The following MYO1D variants were observed in gnomAD, a reference collection of about 807,000 sequenced individuals.
MYO1D encodes unconventional myosin-Id.
A neutral mutation model predicts 122.0 loss-of-function variants in MYO1D; 83 were observed. The observed-to-expected ratio is 0.68, with a 90% confidence interval of 0.57 to 0.82. The LOEUF is 0.82. Ranked by LOEUF, MYO1D falls within the 40% of genes least tolerant of loss-of-function variation. The pLI, the probability that MYO1D is intolerant of heterozygous loss-of-function variation, is 0.00. For missense variants in MYO1D, 1,157 were observed against 1,269.5 expected (o/e 0.91, Z 1.35); for synonymous variants, 464 against 446.9 (o/e 1.04, Z -0.48).
chr17:32,594,429 C>T, intron 21 of MYO1D: 3 of 445,130 alleles, frequency 6.7e-6, no homozygotes, highest in Non-Finnish European at 1.2e-5. Context: ...TCTTTCCTTA[C>T]TTCATTCAAA....
chr17:32,614,035 G>GA (rs2087739564), intron 20 of MYO1D, among the ~76,000 whole-genome samples: 1 of 138,164 alleles, frequency 7.2e-6, no homozygotes, highest in Admixed American at 7.2e-5. Flanking sequence ...ATACTCAAAT[G>GA]TATTTATTGC....
chr17:32,679,827 T>C (rs2088881885), intron 16 of MYO1D, among the ~76,000 whole-genome samples: 1 of 151,080 alleles, frequency 6.6e-6, no homozygotes. Flanking sequence ...GGGGATGGCA[T>C]TGAATCTGTA....
At chr17:32,547,783 C>A (rs1397052604) in intron 21 of MYO1D, among the ~76,000 whole-genome samples, 3 of 151,768 alleles carry the variant, frequency 2.0e-5, no homozygotes, top group African/African-American at 7.3e-5. Flanking sequence ...CCTGAATCTA[C>A]TAAAAAACCT....
chr17:32,741,908 A>G (rs888077069), intron 13 of MYO1D, among the ~76,000 whole-genome samples: 1 of 151,506 alleles, frequency 6.6e-6, no homozygotes, highest in Non-Finnish European at 1.5e-5. Context: ...CCAGCTACTC[A>G]GGAGGCTGAG....
At chr17:32,846,396 A>G (rs58246263) in intron 1 of MYO1D, among the ~76,000 whole-genome samples, 7,970 of 152,296 alleles carry the variant, frequency 0.052, 637 homozygotes, top group African/African-American at 0.18. Flanking sequence ...AGCCAAGCAC[A>G]TCACTCTGTT....
At chr17:32,612,489 C>T (rs2087713521) in intron 20 of MYO1D, among the ~76,000 whole-genome samples, 1 of 151,702 alleles carries the variant, frequency 6.6e-6, no homozygotes. Flanking sequence ...GAGTTCATGA[C>T]CAGCCTGGGC....
Position 32,787,834 on chromosome 17 carries a change from A to G in MYO1D, c.96-7050T>C, listed in dbSNP as rs571422466. Reference sequence around the variant, plus strand: ...ATAGCTTAGCTCCCACTTACAAATGAGAACATATGATATTTGGCTTTCCAT... The same window carrying G: ...ATAGCTTAGCTCCCACTTACAAATGGGAACATATGATATTTGGCTTTCCAT... On this transcript the variant is annotated intron_variant, in intron 1 of 21. Coordinates refer to ENST00000318217, the MANE Select transcript of MYO1D (RefSeq NM_015194.3). 3.3e-5 allele frequency among the ~76,000 whole-genome samples: 5 copies of G among 152,336 alleles called. No individual in the cohort carries two copies. The East Asian group carries it at 9.6e-4, about 29-fold the overall frequency.
At chr17:32,773,536 A>AC (rs1467248144) in intron 4 of MYO1D, among the ~76,000 whole-genome samples, 2 of 27,476 alleles carry the variant, frequency 7.3e-5, no homozygotes, top group Non-Finnish European at 1.5e-4. Flanking sequence ...CCCTACCCCC[A>AC]CCCCCCGACC....
At chr17:32,542,012 C>T (rs1910851408) in intron 21 of MYO1D, among the ~76,000 whole-genome samples, 1 of 152,118 alleles carries the variant, frequency 6.6e-6, no homozygotes, top group Admixed American at 6.5e-5. Context: ...CCAGGAAGCT[C>T]CCCCAAGGGC....
At position 32,657,117 on chromosome 17, in the gene MYO1D, A is replaced by G. The variant is rs2088487591; in HGVS notation, c.2345+1998T>C. Among the ~76,000 whole-genome samples the G allele has an allele frequency of 1.3e-5, 2 of 152,244 alleles. 1 individual carries two copies. The highest frequency in any genetic ancestry group is 4.1e-4 in the South Asian group (2 of 4,830). ...GCAGCCATAAAAATCACCAGCCTCA[A>G]TGACATGAAAAGGGGACAAAGCCAG... is the stretch of plus-strand genomic sequence containing the variant. On this transcript the variant is annotated intron_variant, in intron 17 of 21. Transcript: ENST00000318217.
chr17:32,731,410 CTTTCA>C (rs1278753600), intron 14 of MYO1D, among the ~76,000 whole-genome samples: 4 of 151,976 alleles, frequency 2.6e-5, no homozygotes, highest in African/African-American at 9.7e-5. Context: ...ATTTTCTGGC[CTTTCA>C]TTTCTTGATG....
rs189784173 is a variant in MYO1D at position 32,858,025 on chromosome 17, T to G, written c.95+18753A>C. ...ATGTTAATTGTTAATTTGTAATAAC[T>G]GAGAGCATAACATCATTTAATATTT... On this transcript the variant is annotated intron_variant, in intron 1 of 21. Coordinates refer to ENST00000318217, the MANE Select transcript of MYO1D (RefSeq NM_015194.3). Among the ~76,000 whole-genome samples the G allele has an allele frequency of 2.8e-3, 419 of 152,360 alleles. 4 individuals are homozygous for G. The highest frequency in any genetic ancestry group is 8.7e-3 in the African/African-American group (362 of 41,598).
chr17:32,760,177 A>C, intron 10 of MYO1D, 113 bp downstream of exon 10: 2 of 915,734 alleles, frequency 2.2e-6, no homozygotes, highest in East Asian at 4.8e-5. Context: ...AGGAAAGCTA[A>C]GGTTCAGATG....
intron 21 of MYO1D, among the ~76,000 whole-genome samples, chr17:32,565,006 AC>A (rs2087159762): frequency 7.1e-6 from 1 of 141,484 alleles, no homozygotes; most frequent in African/African-American, 2.7e-5. Flanking sequence ...AAAAGAAAAT[AC>A]TTTTTTTCTT....
At chr17:32,809,586 G>A (rs2090551597) in intron 1 of MYO1D, among the ~76,000 whole-genome samples, 1 of 152,078 alleles carries the variant, frequency 6.6e-6, no homozygotes, top group African/African-American at 2.4e-5. Context: ...TTACAGGCAT[G>A]TGCCACTATG....
At chr17:32,732,641 G>A (rs1021869349) in intron 14 of MYO1D, among the ~76,000 whole-genome samples, 4 of 152,188 alleles carry the variant, frequency 2.6e-5, no homozygotes, top group Admixed American at 2.6e-4. Flanking sequence ...ACCCAATAAA[G>A]CACCTCTTTG....
chr17:32,603,353 A>G (rs2087584859), intron 21 of MYO1D, among the ~76,000 whole-genome samples: 1 of 151,932 alleles, frequency 6.6e-6, no homozygotes, highest in African/African-American at 2.4e-5. Flanking sequence ...CCAGGCAAAA[A>G]CTCTTGCATT....
At chr17:32,635,846 T>C (rs2088091700) in intron 20 of MYO1D, among the ~76,000 whole-genome samples, 1 of 152,174 alleles carries the variant, frequency 6.6e-6, no homozygotes, top group Non-Finnish European at 1.5e-5. Flanking sequence ...TGCCCTTAGC[T>C]ATGCCCTGTA....
intron 21 of MYO1D, among the ~76,000 whole-genome samples, chr17:32,502,308 A>T (rs1909342999): frequency 6.6e-6 from 1 of 152,258 alleles, no homozygotes; most frequent in South Asian, 2.1e-4. Flanking sequence ...GGTGGCAGAC[A>T]ACAGGCTACA....
Sources: allele counts gnomAD v4.1 joint callset (sites outside exome capture counted in the v4.1 genomes callset), GRCh38; gene constraint gnomAD v4.1.1; transcripts MANE v1.5; gene names NCBI Gene and HGNC (gene_info 2026-07-23, HGNC 2026-07-21).